MUTYH: variants seen among roughly 807,000 people sequenced by gnomAD.
MUTYH encodes adenine DNA glycosylase.
Under a neutral mutation model 72.9 loss-of-function variants are expected in MUTYH, and 64 were observed. The observed-to-expected ratio is 0.88, with a 90% CI of 0.72 to 1.08. The LOEUF is 1.08. Ranked by LOEUF, MUTYH falls within the 50% of genes least tolerant of loss-of-function variation. The probability of loss-of-function intolerance (pLI) is 0.00; values close to 1 mark genes in which losing one functional copy is unlikely to be tolerated. For missense variants in MUTYH, 633 were observed against 671.0 expected (o/e 0.94, Z 0.63); for synonymous variants, 234 against 263.1 (o/e 0.89, Z 1.07).
chr1:45,331,898 G>A, intron 11 of MUTYH, 49 bp from the exon 12 acceptor site: 5 of 1,606,600 alleles, frequency 3.1e-6, no homozygotes, highest in African/African-American at 1.3e-5. Flanking sequence ...GGGCTTTAGG[G>A]GCCAACCTAG....
chr1:45,338,718 G>A (rs555769796), intron 1 of MUTYH: 4 of 171,020 alleles, frequency 2.3e-5, no homozygotes, highest in South Asian at 2.0e-4. Flanking sequence ...TAGGATAGGA[G>A]AAATCCAAAG....
In MUTYH at chr1:45,329,828, G is replaced by C. The variant is rs1032175654; in HGVS notation, c.1435-391C>G. On this transcript the variant is annotated intron_variant, in intron 15 of 15. Transcript: ENST00000456914. ...TACTCTTGGGACTGGAAAGAACATC[G>C]CTACGGTTGATTCCCCTCCCAAACC... 2.0e-5 allele frequency: 4 copies of C among 195,480 alleles called. No homozygotes were observed. In the East Asian group the frequency reaches 5.0e-4, roughly 24 times the overall value. The allele number at this position is 195,480 out of a possible 1,614,324, so 12.1% of individuals were successfully genotyped here.
chr1:45,329,541 G>A (rs1407431931), intron 15 of MUTYH, 104 bp from the exon 16 acceptor site: 1 of 1,459,378 alleles, frequency 6.9e-7, no homozygotes, highest in Non-Finnish European at 9.4e-7. Context: ...GATCTAGCTA[G>A]GCTTAGCCTG....
At chr1:45,334,944 T>C (rs945793163) in intron 1 of MUTYH, among the ~76,000 whole-genome samples, 1 of 152,138 alleles carries the variant, frequency 6.6e-6, no homozygotes, top group African/African-American at 2.4e-5. Context: ...TAGTAGTCAT[T>C]AAGTCCAAAA....
chr1:45,340,133 G>T, upstream of MUTYH: 1 of 1,573,934 alleles, frequency 6.4e-7, no homozygotes, highest in South Asian at 1.2e-5. Flanking sequence ...ACGGAAGTTC[G>T]ACCCATCGGC....
rs2149137880 is a variant in MUTYH, at chr1:45,332,211, C to T, written c.804G>A (p.Leu268=). 6.2e-7 allele frequency: 1 copy of T among 1,614,212 alleles called. No individual in the cohort carries two copies. Among genetic ancestry groups the T allele is most frequent in the Non-Finnish European group, 8.5e-7 (1 of 1,180,008 alleles). ...GGCTCTCCACAGGGCACTGGCTGCA[C>T]AGTGGGCGCTGTGGGGTACACACTG... The part of the protein sequence containing the change: ...GATVCTPQRP[L]CSQCPVESLC... Residue 268 remains leucine, a synonymous_variant, in exon 10 of 16, where the codon CTG becomes CTA. Transcript: ENST00000456914.
Position 45,339,962 on chromosome 1 carries a change from G to C in MUTYH, c.-70C>G, listed in dbSNP as rs974766644. The C allele has an allele frequency of 6.6e-7, 1 of 1,515,518 alleles. No homozygotes were observed. The highest frequency in any genetic ancestry group is 1.4e-5 in the African/African-American group (1 of 72,520). 93.9% of individuals were successfully genotyped at this position (1,515,518 alleles called of 1,614,324 possible). A position where few individuals can be genotyped will look rare whatever the true frequency, so the allele number is the denominator to read the frequency against. ...CCCCGCGTTCCCGCCGCGAGAGCAG[G>C]AGAGAAAGATTACCTCCCGCGAGCT... On this transcript the variant is annotated 5_prime_UTR_variant, in exon 1 of 16. Coordinates refer to ENST00000456914, the MANE Select transcript of MUTYH (RefSeq NM_001048174.2).
At chr1:45,329,685 C>T (rs1276334279) in intron 15 of MUTYH, among the ~76,000 whole-genome samples, 1 of 152,164 alleles carries the variant, frequency 6.6e-6, no homozygotes, top group Non-Finnish European at 1.5e-5. Flanking sequence ...AATGAGTCAG[C>T]AGCCTAGGGC....
chr1:45,335,853 T>C (rs1035292450), intron 1 of MUTYH, among the ~76,000 whole-genome samples: 2 of 151,946 alleles, frequency 1.3e-5, no homozygotes, highest in Non-Finnish European at 2.9e-5. Context: ...CCCCAAAATA[T>C]GGCCCTCTGA....
In MUTYH at chr1:45,332,081, C is replaced by A. The variant is rs766638306; in HGVS notation, c.855G>T (p.Glu285Asp). 1.2e-6 allele frequency: 2 copies of A among 1,614,210 alleles called. No homozygotes were observed. Among genetic ancestry groups the A allele is most frequent in the South Asian group, 2.2e-5 (2 of 91,090 alleles). ...ESLCRARQRV[E>D]QEQLLASGSL... ...TCCCTGAGGCTAAGAGCTGTTCCTG[C>A]TCCACCTGAGAGGCACAGGGTTGAG... The change falls in exon 11 of 16, where the codon GAG (glutamate) becomes GAT (aspartate). Residue 285 changes from glutamate to aspartate, a missense_variant. By Grantham distance (45) the Glu-to-Asp change is conservative. Transcript: ENST00000456914.
chr1:45,340,328 C>G (rs551416094), upstream of MUTYH: 1 of 1,606,118 alleles, frequency 6.2e-7, no homozygotes, highest in Non-Finnish European at 8.5e-7. Flanking sequence ...CAGAGGTAGC[C>G]TTCAAAGCCT....
chr1:45,329,329 T>C lies in MUTYH; in HGVS notation c.1543A>G (p.Ser515Gly). Residue 515 changes from serine to glycine, a missense_variant, in exon 16 of 16, where the codon AGC (serine) becomes GGC (glycine). Physicochemically the swap from Ser to Gly is moderately conservative, Grantham distance 56 (BLOSUM62 0). Transcript: ENST00000456914. Reference sequence around the variant, plus strand: ...TGTCACTGGGCTGCACTGTTGAGGCTGTGTGCATCAGTGGAGATGTGAGAC... The same window carrying C: ...TGTCACTGGGCTGCACTGTTGAGGCCGTGTGCATCAGTGGAGATGTGAGAC... ...FRSHISTDAH[S>G]LNSAAQ 6.2e-7 allele frequency: 1 copy of C among 1,614,196 alleles called. No individual in the cohort carries two copies. The highest frequency in any genetic ancestry group is 8.5e-7 in the Non-Finnish European group (1 of 1,180,032).
upstream of MUTYH, chr1:45,340,148 C>G: frequency 3.8e-6 from 6 of 1,588,590 alleles, no homozygotes; most frequent in Admixed American, 3.6e-5. Context: ...ATCGGCGACC[C>G]GACGGCGAGA....
At position 45,334,456 on chromosome 1, in the gene MUTYH, GC is replaced by G. The variant is rs587781704; in HGVS notation, c.49del (p.Ala17ProfsTer46). 6 of 1,614,134 alleles carry G rather than the reference GC, an allele frequency of 3.7e-6. No individual in the cohort carries two copies. The Admixed American group carries it at 5.0e-5, about 13-fold the overall frequency. ...AVGSGHRKQA[A>X]SQEGRQKHAK... ...ATGCTTCTGCCTCCCTTCCTGGCTG[GC>G]TGCCTGCTTCCTGTGACCACTTCCC... On this transcript the variant is annotated frameshift_variant, in exon 2 of 16. Transcript: ENST00000456914. LOFTEE classifies it high-confidence loss of function.
Position 45,331,413 on chromosome 1 carries a change from CACTT to C in MUTYH, c.1239+3_1239+6del, listed in dbSNP as rs778210898. 6.2e-7 allele frequency: 1 copy of C among 1,614,242 alleles called. No homozygotes were observed. The highest frequency in any genetic ancestry group is 8.5e-7 in the Non-Finnish European group (1 of 1,180,052). On this transcript the variant is annotated splice_donor_5th_base_variant and intron_variant, in intron 13 of 15. Transcript: ENST00000456914. Reference sequence around the variant, plus strand: ...CAACATCCTTGGCTATTCCGCTGCTCACTTACCTCCCCAAGGTGCCGGAGGTGCG... The same window carrying C: ...CAACATCCTTGGCTATTCCGCTGCTCACCTCCCCAAGGTGCCGGAGGTGCG...
chr1:45,337,403 C>T (rs1646055474), intron 1 of MUTYH, among the ~76,000 whole-genome samples: 1 of 152,166 alleles, frequency 6.6e-6, no homozygotes. Context: ...AGCAATCAAC[C>T]CGCCTCGGCC....
rs1489179538 is a variant in MUTYH at position 45,332,693 on chromosome 1, T to A, written c.493-6A>T. ...CCCCCTAGCTCCTCTACCACCTGAT[T>A]GGAGTGCAAGACTCAAGATTATAAG... On this transcript the variant is annotated splice_polypyrimidine_tract_variant and splice_region_variant and intron_variant, in intron 7 of 15. Coordinates refer to ENST00000456914, the MANE Select transcript of MUTYH (RefSeq NM_001048174.2). 6.2e-7 allele frequency: 1 copy of A among 1,613,996 alleles called. No individual in the cohort carries two copies. The highest frequency in any genetic ancestry group is 8.5e-7 in the Non-Finnish European group (1 of 1,180,000).
Position 45,332,559 on chromosome 1 carries a change from G to A in MUTYH, c.606+15C>T. On this transcript the variant is annotated intron_variant, in intron 8 of 15. Transcript: ENST00000456914. Reference sequence around the variant, plus strand: ...GGCTGGGCACGCACAAAGTGGGGGTGGGCTGTGAGATCACCTGGCCAAAGG... The same window carrying A: ...GGCTGGGCACGCACAAAGTGGGGGTAGGCTGTGAGATCACCTGGCCAAAGG... The A allele has an allele frequency of 1.2e-6, 2 of 1,613,956 alleles. No individual in the cohort carries two copies. Among genetic ancestry groups the A allele is most frequent in the Non-Finnish European group, 1.7e-6 (2 of 1,179,928 alleles).
Position 45,333,270 on chromosome 1 carries a change from A to C in MUTYH, c.304+15T>G. 6 of 1,614,212 alleles carry C rather than the reference A, an allele frequency of 3.7e-6. No homozygotes were observed. Among genetic ancestry groups the C allele is most frequent in the Non-Finnish European group, 5.1e-6 (6 of 1,180,028 alleles). On this transcript the variant is annotated intron_variant, in intron 4 of 15. Transcript: ENST00000456914. ...CTCGAGGCAAAGTGGCCCTGCTCTC[A>C]GGAGATGTACTGACCAGCATATGCC... is the stretch of plus-strand genomic sequence containing the variant.
Sources: gnomAD v4.1 joint callset for allele counts (sites outside exome capture counted in the v4.1 genomes callset) on GRCh38, gnomAD v4.1.1 for gene constraint, MANE v1.5 for transcripts, NCBI Gene and HGNC (gene_info 2026-07-23, HGNC 2026-07-21) for gene names.